The following SLC15A1 variants were observed in gnomAD, a reference collection of about 807,000 sequenced individuals.
The protein encoded by SLC15A1 is solute carrier family 15 member 1, also known as Caco-2 oligopeptide transporter.
In SLC15A1, 83 loss-of-function variants were observed where a neutral mutation model predicts 92.9. The observed-to-expected ratio is 0.89, with a 90% CI of 0.75 to 1.07. SLC15A1 has a LOEUF of 1.07. SLC15A1 is among the 50% of genes least tolerant of loss of function. The probability of loss-of-function intolerance (pLI) is 0.00; values close to 1 mark genes in which losing one functional copy is unlikely to be tolerated. For synonymous variants in SLC15A1, 322 were observed against 318.2 expected (o/e 1.01, Z -0.13); for missense variants, 857 against 880.1 (o/e 0.97, Z 0.33).
At chr13:98,729,187 GTATTAA>G (rs1294904266) in intron 1 of SLC15A1, among the ~76,000 whole-genome samples, 5 of 151,366 alleles carry the variant, frequency 3.3e-5, no homozygotes, top group Admixed American at 2.0e-4. Flanking sequence ...GTAAAATATT[GTATTAA>G]TATTAATATT....
In SLC15A1 at chr13:98,684,232, A is replaced by T. The variant is rs2087910987; in HGVS notation, c.*492T>A. On this transcript the variant is annotated 3_prime_UTR_variant, in exon 23 of 23. Transcript: ENST00000376503. ...CAGAAGACTTCTTCCAGAGTTTTAG[A>T]TTCACTGCTGGCTGCTTAGAAAATA... 1 of 154,884 alleles carries T rather than the reference A, an allele frequency of 6.5e-6. No homozygotes were observed. Among genetic ancestry groups the T allele is most frequent in the African/African-American group, 2.4e-5 (1 of 41,422 alleles). 9.6% of individuals were successfully genotyped at this position (154,884 alleles called of 1,614,324 possible).
chr13:98,744,205 C>A (rs1377312794), intron 1 of SLC15A1, among the ~76,000 whole-genome samples: 1 of 136,096 alleles, frequency 7.3e-6, no homozygotes, highest in Non-Finnish European at 1.5e-5. Flanking sequence ...TGTGTCACTG[C>A]ACTCCAGCCT....
At chr13:98,688,977 T>C (rs1230320670) in intron 18 of SLC15A1, among the ~76,000 whole-genome samples, 1 of 152,232 alleles carries the variant, frequency 6.6e-6, no homozygotes, top group Admixed American at 6.5e-5. Flanking sequence ...TCTCGCTCTG[T>C]CACCCAGGCT....
intron 6 of SLC15A1, 78 bp downstream of exon 6, chr13:98,721,726 C>A: frequency 7.0e-7 from 1 of 1,418,546 alleles, no homozygotes; most frequent in South Asian, 1.2e-5. Context: ...CGATGTAGAA[C>A]AGACTTTGTG....
At chr13:98,699,535 G>T (rs1593984138) in intron 18 of SLC15A1, among the ~76,000 whole-genome samples, 1 of 152,332 alleles carries the variant, frequency 6.6e-6, no homozygotes. Flanking sequence ...ACATTTGAGT[G>T]ATTTCCCATC....
Position 98,687,674 on chromosome 13 carries a change from T to A in SLC15A1, c.1734A>T (p.Thr578=). The change falls in exon 21 of 23, where the codon ACA becomes ACT. Residue 578 remains threonine (T), a synonymous_variant. Transcript: ENST00000376503. ...VKVFEDISAN[T]VNMALQIPQY... ...GCGGGATTTGCAGAGCCATGTTAAC[T>A]GTGTTGGCTGAAATATCTTCAAACA... The A allele has an allele frequency of 6.2e-7, 1 of 1,614,196 alleles. No individual in the cohort carries two copies. Among genetic ancestry groups the A allele is most frequent in the East Asian group, 2.2e-5 (1 of 44,878 alleles).
At chr13:98,722,983 C>A (rs374550405) in intron 5 of SLC15A1, among the ~76,000 whole-genome samples, 2 of 152,194 alleles carry the variant, frequency 1.3e-5, no homozygotes, top group East Asian at 3.8e-4. Context: ...GAAGTAGGTA[C>A]TATTACAACC....
intron 1 of SLC15A1, among the ~76,000 whole-genome samples, chr13:98,745,857 T>TA (rs397687655): frequency 1.3e-5 from 2 of 151,942 alleles, no homozygotes; most frequent in African/African-American, 4.8e-5. Flanking sequence ...GTTTTTTTTT[T>TA]AACTTGTAAC....
intron 18 of SLC15A1, among the ~76,000 whole-genome samples, chr13:98,689,664 G>A (rs2087959567): frequency 6.6e-6 from 1 of 152,054 alleles, no homozygotes; most frequent in South Asian, 2.1e-4. Flanking sequence ...TGCCCAGGCT[G>A]GTCTCAAACT....
chr13:98,728,854 G>A (rs1217150768), intron 1 of SLC15A1, among the ~76,000 whole-genome samples: 14 of 151,238 alleles, frequency 9.3e-5, no homozygotes. Flanking sequence ...GGTGGCACAC[G>A]CCTGTAATCC....
chr13:98,744,240 C>CAAAA (rs898374872), intron 1 of SLC15A1, among the ~76,000 whole-genome samples: 7 of 42,330 alleles, frequency 1.7e-4, no homozygotes, highest in Non-Finnish European at 2.3e-4. Flanking sequence ...GACTCTGTCT[C>CAAAA]AAAAAAAAAA....
intron 8 of SLC15A1, among the ~76,000 whole-genome samples, chr13:98,718,338 G>C (rs1593995873): frequency 2.2e-5 from 1 of 46,354 alleles, no homozygotes; most frequent in Non-Finnish European, 3.5e-5. Flanking sequence ...TTTTTTTTTT[G>C]AGACAGGGTC....
At chr13:98,725,693 G>A (rs1566454261) in intron 4 of SLC15A1, among the ~76,000 whole-genome samples, 1 of 152,206 alleles carries the variant, frequency 6.6e-6, no homozygotes, top group Non-Finnish European at 1.5e-5. Context: ...AGCAGAAACA[G>A]CGCTGTAAAT....
In SLC15A1 at chr13:98,706,182, C is replaced by T. The variant is rs906010502; in HGVS notation, c.1221G>A (p.Met407Ile). Residue 407 changes from methionine to isoleucine, a missense_variant, in exon 16 of 23, where the codon ATG becomes ATA. Coordinates refer to ENST00000376503, the MANE Select transcript of SLC15A1 (RefSeq NM_005073.4). ...CCATCTCTCCAGGAAGAGATATATT[C>T]ATGGTATTGTTTCCTATATTCAAAA... ...IKVLNIGNNT[M>I]NISLPGEMVT... 2.5e-6 allele frequency: 4 copies of T among 1,613,446 alleles called. No individual in the cohort carries two copies. In the African/African-American group the frequency reaches 5.3e-5, roughly 22 times the overall value.
intron 8 of SLC15A1, 149 bp downstream of exon 8, chr13:98,719,088 A>C (rs912272119): frequency 5.8e-5 from 35 of 608,080 alleles, no homozygotes; most frequent in Non-Finnish European, 9.2e-5. Flanking sequence ...TTCTTTGAAT[A>C]CTTAGAGCAT....
intron 1 of SLC15A1, among the ~76,000 whole-genome samples, chr13:98,747,544 G>A (rs970763185): frequency 7.2e-5 from 11 of 152,228 alleles, no homozygotes; most frequent in Admixed American, 2.6e-4. Context: ...GTTCTTCATG[G>A]AATGGTTCAG....
intron 22 of SLC15A1, among the ~76,000 whole-genome samples, 196 bp from the exon 23 acceptor site, chr13:98,685,111 T>C (rs758870549): frequency 2.0e-5 from 3 of 152,176 alleles, no homozygotes; most frequent in Non-Finnish European, 2.9e-5. Context: ...AGATAGATGC[T>C]AATATAGACA....
In SLC15A1 at chr13:98,702,427, C is replaced by G; in HGVS notation, c.1466+53G>C. On this transcript the variant is annotated intron_variant, in intron 18 of 22. Transcript: ENST00000376503. ...ACATTTGGACTTTACTATGGGTATG[C>G]ATTACTTTCATAAGAATCTGATAAA... is the stretch of plus-strand genomic sequence containing the variant. 4 of 1,140,342 alleles carry G rather than the reference C, an allele frequency of 3.5e-6. No individual in the cohort carries two copies. The Admixed American group carries it at 6.8e-5, about 19-fold the overall frequency. The allele number at this position is 1,140,342 out of a possible 1,614,324, so 70.6% of individuals were successfully genotyped here.
intron 1 of SLC15A1, among the ~76,000 whole-genome samples, chr13:98,731,354 C>T (rs1330929993): frequency 1.3e-5 from 2 of 152,318 alleles, no homozygotes; most frequent in Non-Finnish European, 1.5e-5. Context: ...TTTGCAAGCT[C>T]GGTGCAAACC....
Sources: allele counts gnomAD v4.1 joint callset (sites outside exome capture counted in the v4.1 genomes callset), GRCh38; gene constraint gnomAD v4.1.1; transcripts MANE v1.5; gene names NCBI Gene and HGNC (gene_info 2026-07-23, HGNC 2026-07-21).